The following GIT2 variants were observed in gnomAD, a reference collection of about 807,000 sequenced individuals.
GIT2 encodes GIT ArfGAP 2, also known as ARF GTPase-activating protein GIT2.
In GIT2, 32 loss-of-function variants were observed where a neutral mutation model predicts 100.3. The observed-to-expected ratio is 0.32, with a 90% CI of 0.24 to 0.43. The LOEUF (loss-of-function observed/expected upper bound fraction) is 0.43, where lower values mean the gene tolerates loss of function less well. Ranked by LOEUF, GIT2 falls within the 20% of genes least tolerant of loss-of-function variation. GIT2 has a pLI of 1.00. For missense variants in GIT2, 737 were observed against 975.1 expected, an observed-to-expected ratio of 0.76 and a Z score of 3.25; for synonymous variants, 353 against 364.1, an observed-to-expected ratio of 0.97 and a Z score of 0.35.
At chr12:109,936,335 A>AG (rs1411421981) in intron 18 of GIT2, among the ~76,000 whole-genome samples, 1 of 151,960 alleles carries the variant, frequency 6.6e-6, no homozygotes, top group African/African-American at 2.4e-5. Context: ...AAAGAAAGAA[A>AG]AAAAAAAGAA....
chr12:109,979,000 G>A (rs947465276), intron 7 of GIT2, among the ~76,000 whole-genome samples: 2 of 151,798 alleles, frequency 1.3e-5, no homozygotes, highest in African/African-American at 4.9e-5. Context: ...GTCTTAGCAG[G>A]CAACTGACCA....
At chr12:109,970,420 G>C (rs543977667) in intron 7 of GIT2, among the ~76,000 whole-genome samples, 2 of 152,290 alleles carry the variant, frequency 1.3e-5, no homozygotes, top group East Asian at 3.9e-4. Flanking sequence ...TTGAACCCGG[G>C]AGGCCGAGGT....
intron 14 of GIT2, 49 bp downstream of exon 14, chr12:109,951,118 T>C (rs1179105759): frequency 6.6e-7 from 1 of 1,510,462 alleles, no homozygotes; most frequent in Admixed American, 1.7e-5. Context: ...TTCTTCCTTG[T>C]ACTATGGGAT....
chr12:109,995,725 C>T (rs1417142702), intron 1 of GIT2, among the ~76,000 whole-genome samples: 2 of 152,208 alleles, frequency 1.3e-5, no homozygotes, highest in South Asian at 2.1e-4. Flanking sequence ...TACGGGGACC[C>T]TCTGGCGAGT....
At chr12:109,990,009 C>T (rs1476227066) in intron 2 of GIT2, among the ~76,000 whole-genome samples, 1 of 152,000 alleles carries the variant, frequency 6.6e-6, no homozygotes, top group African/African-American at 2.4e-5. Flanking sequence ...TAGTTAAATA[C>T]CTAAAGTGTG....
chr12:109,946,245 C>T (rs1876322917), intron 15 of GIT2, among the ~76,000 whole-genome samples: 1 of 152,136 alleles, frequency 6.6e-6, no homozygotes, highest in Non-Finnish European at 1.5e-5. Flanking sequence ...TCTGAGATAA[C>T]AGACTCCCAA....
At chr12:109,959,747 C>A in intron 12 of GIT2, 100 bp downstream of exon 12, 1 of 719,840 alleles carries the variant, frequency 1.4e-6, no homozygotes. Context: ...ACCTATAGAA[C>A]TGTCATGTTG....
At chr12:109,951,006 T>C in intron 14 of GIT2, 161 bp downstream of exon 14, 1 of 684,378 alleles carries the variant, frequency 1.5e-6, no homozygotes. Flanking sequence ...ATTTTAAATA[T>C]CCAAATACAT....
intron 1 of GIT2, among the ~76,000 whole-genome samples, chr12:109,995,237 A>C (rs543675258): frequency 1.3e-5 from 2 of 152,326 alleles, no homozygotes; most frequent in South Asian, 4.1e-4. Context: ...TTGATCTCTA[A>C]ATGTGAATAT....
At chr12:109,971,428 C>T (rs772287551) in intron 7 of GIT2, among the ~76,000 whole-genome samples, 5 of 151,820 alleles carry the variant, frequency 3.3e-5, no homozygotes, top group Non-Finnish European at 5.9e-5. Context: ...CAGGTTCAAG[C>T]GATTCTCCTA....
At chr12:109,959,708 A>G (rs1880550403) in intron 12 of GIT2, 139 bp downstream of exon 12, 1 of 625,312 alleles carries the variant, frequency 1.6e-6, no homozygotes, top group South Asian at 2.0e-5. Flanking sequence ...CCCGGAACTT[A>G]AAGTAAAAAA....
intron 7 of GIT2, among the ~76,000 whole-genome samples, chr12:109,976,648 G>A (rs901407513): frequency 9.3e-5 from 14 of 150,734 alleles, no homozygotes; most frequent in African/African-American, 4.9e-5. Flanking sequence ...GAGTGCAGTG[G>A]CACGATCTCG....
intron 3 of GIT2, 107 bp downstream of exon 3, chr12:109,989,583 C>T: frequency 1.5e-6 from 1 of 660,704 alleles, no homozygotes; most frequent in South Asian, 1.7e-5. Flanking sequence ...CTAGGGTAAC[C>T]CCCTCCTCTG....
chr12:109,965,822 A>T lies in GIT2; in HGVS notation c.765-245T>A, dbSNP rs1882202205. ...AGGAAAAAAAAATCGTCCACCAACT[A>T]AACGACAAAAGCTATTGCCAGGTTA... On this transcript the variant is annotated intron_variant, in intron 8 of 19. Coordinates refer to ENST00000355312, the MANE Select transcript of GIT2 (RefSeq NM_057169.5). 6.3e-6 allele frequency: 4 copies of T among 635,108 alleles called. No homozygotes were observed. The Admixed American group carries it at 7.8e-5, about 12-fold the overall frequency. The allele number at this position is 635,108 out of a possible 1,614,324, so 39.3% of individuals were successfully genotyped here.
At chr12:109,976,478 G>A (rs547154604) in intron 7 of GIT2, among the ~76,000 whole-genome samples, 1 of 151,352 alleles carries the variant, frequency 6.6e-6, no homozygotes, top group African/African-American at 2.4e-5. Flanking sequence ...TAGAGACGGG[G>A]TTTCATCGTG....
intron 17 of GIT2, 197 bp from the exon 18 acceptor site, chr12:109,938,765 ACT>A: frequency 1.9e-6 from 1 of 530,068 alleles, no homozygotes; most frequent in Admixed American, 3.6e-5. Context: ...GGAAGTGTTG[ACT>A]CTCACAGGAA....
chr12:109,933,406 A>G lies in GIT2; in HGVS notation c.2068-216T>C. ...CTGATTCAAAGGTCAAAGTGCATGC[A>G]GGGTAATTTTAGTAGTATGTGGTAT... On this transcript the variant is annotated intron_variant, in intron 19 of 19. Coordinates refer to ENST00000355312, the MANE Select transcript of GIT2 (RefSeq NM_057169.5). This position sits in a 1 kb window ranked among gnomAD's most constrained non-coding sequence, Gnocchi z 4.5. 2.0e-6 allele frequency: 1 copy of G among 489,646 alleles called. No homozygotes were observed. The allele number at this position is 489,646 out of a possible 1,614,324, so 30.3% of individuals were successfully genotyped here. A position where few individuals can be genotyped will look rare whatever the true frequency, so the allele number is the denominator to read the frequency against.
rs1025434929 is a variant in GIT2 at position 109,933,903 on chromosome 12, G to A, written c.2067+119C>T. 3.1e-5 allele frequency: 22 copies of A among 708,822 alleles called. No individual in the cohort carries two copies. Among genetic ancestry groups the A allele is most frequent in the African/African-American group, 5.3e-5 (3 of 56,888 alleles). 43.9% of individuals were successfully genotyped at this position (708,822 alleles called of 1,614,324 possible). A position where few individuals can be genotyped will look rare whatever the true frequency, so the allele number is the denominator to read the frequency against. Reference sequence around the variant, plus strand: ...GGCGTGAGCCACCACACCCGGCCTCGACTGCATATTTTAAAACTGCATGTG... The same window carrying A: ...GGCGTGAGCCACCACACCCGGCCTCAACTGCATATTTTAAAACTGCATGTG... On this transcript the variant is annotated intron_variant, in intron 19 of 19. Coordinates refer to ENST00000355312, the MANE Select transcript of GIT2 (RefSeq NM_057169.5). The surrounding 1 kb of genome is among the most constrained non-coding windows in gnomAD (Gnocchi z 4.5).
At chr12:109,977,502 C>A (rs1220467957) in intron 7 of GIT2, among the ~76,000 whole-genome samples, 1 of 151,904 alleles carries the variant, frequency 6.6e-6, no homozygotes, top group African/African-American at 2.4e-5. Context: ...TGGAGTGAGA[C>A]CCTGTCTCAA....
Sources: gnomAD v4.1 joint callset for allele counts (sites outside exome capture counted in the v4.1 genomes callset) on GRCh38, gnomAD v4.1.1 for gene constraint, Gnocchi (gnomAD v3.1) non-coding constraint, MANE v1.5 for transcripts, NCBI Gene and HGNC (gene_info 2026-07-23, HGNC 2026-07-21) for gene names.